XKR4: variants seen among roughly 807,000 people sequenced by gnomAD.
XKR4 encodes XK-related protein 4.
In XKR4, 12 loss-of-function variants were observed where a neutral mutation model predicts 53.9. That is an observed-to-expected ratio of 0.22 (90% CI 0.14 to 0.36). XKR4 has a LOEUF of 0.36. Ranked by LOEUF, XKR4 falls within the 10% of genes least tolerant of loss-of-function variation. The pLI is 1.00. For missense variants in XKR4, 799 were observed against 859.5 expected, an observed-to-expected ratio of 0.93 and a Z score of 0.88; for synonymous variants, 354 against 362.4, an observed-to-expected ratio of 0.98 and a Z score of 0.26.
chr8:55,147,850 G>T lies in XKR4; in HGVS notation c.806+44556G>T, dbSNP rs143640258. 1.7e-3 allele frequency among the ~76,000 whole-genome samples: 259 copies of T among 152,228 alleles called. 1 individual carries two copies. The highest frequency in any genetic ancestry group is 5.9e-3 in the African/African-American group (246 of 41,538). On this transcript the variant is annotated intron_variant, in intron 1 of 2. Coordinates refer to ENST00000327381, the MANE Select transcript of XKR4 (RefSeq NM_052898.2). Reference sequence around the variant, plus strand: ...GTGCCAAAAGAGAAAAATGTAACCAGATGAATGACATAAACCAAGAAAAAG... The same window carrying T: ...GTGCCAAAAGAGAAAAATGTAACCATATGAATGACATAAACCAAGAAAAAG...
intron 1 of XKR4, among the ~76,000 whole-genome samples, chr8:55,289,657 GGA>G (rs1563316481): frequency 8.4e-5 from 7 of 83,312 alleles, no homozygotes; most frequent in African/African-American, 2.9e-4. Flanking sequence ...AAGGAAGGAA[GGA>G]AAAGAAAAGA....
At chr8:55,480,146 T>A (rs1005601075) in intron 2 of XKR4, among the ~76,000 whole-genome samples, 2 of 152,018 alleles carry the variant, frequency 1.3e-5, no homozygotes, top group African/African-American at 4.8e-5. Flanking sequence ...GATGCAAAAA[T>A]CCTCAATAAA....
intron 1 of XKR4, among the ~76,000 whole-genome samples, chr8:55,145,059 C>T (rs1408645119): frequency 3.9e-5 from 6 of 151,950 alleles, no homozygotes; most frequent in East Asian, 1.9e-4. Context: ...CTCAAACCCC[C>T]GGCCTCCAGG....
intron 1 of XKR4, among the ~76,000 whole-genome samples, chr8:55,305,540 C>A (rs547712200): frequency 2.0e-5 from 3 of 152,096 alleles, no homozygotes; most frequent in African/African-American, 7.2e-5. Flanking sequence ...TTCATACGTG[C>A]CTTGAGTATG....
At position 55,103,025 on chromosome 8, in the gene XKR4, C is replaced by A. The variant is rs776243014; in HGVS notation, c.537C>A (p.Ala179=). 1.9e-6 allele frequency: 3 copies of A among 1,612,380 alleles called. No individual in the cohort carries two copies. The highest frequency in any genetic ancestry group is 2.5e-6 in the Non-Finnish European group (3 of 1,179,794). ...HDFSTEDSAT[A]AAASSCPQPG... is the part of the protein sequence containing the mutation. ...TCAGCACCGAGGACAGCGCCACGGC[C>A]GCTGCTGCCTCCAGCTGCCCGCAGC... The change falls in exon 1 of 3, where the codon GCC becomes GCA. Residue 179 remains alanine (A), a synonymous_variant. Coordinates refer to ENST00000327381, the MANE Select transcript of XKR4 (RefSeq NM_052898.2).
At chr8:55,103,849 T>TTGTA (rs1563456990) in intron 1 of XKR4, among the ~76,000 whole-genome samples, 1 of 61,070 alleles carries the variant, frequency 1.6e-5, no homozygotes, top group Non-Finnish European at 3.4e-5. Context: ...GCAAATGACT[T>TTGTA]TGTATATATA....
chr8:55,370,638 G>A (rs1022558438), intron 2 of XKR4, among the ~76,000 whole-genome samples: 1 of 152,166 alleles, frequency 6.6e-6, no homozygotes, highest in Non-Finnish European at 1.5e-5. Context: ...CCCTACATAG[G>A]AGAGTTGTGA....
intron 2 of XKR4, chr8:55,451,551 C>G: frequency 9.2e-7 from 1 of 1,084,544 alleles, no homozygotes; most frequent in East Asian, 2.6e-5. Flanking sequence ...CGTACAGGCC[C>G]CCAGAATGCA....
At chr8:55,468,788 G>A (rs920979832) in intron 2 of XKR4, among the ~76,000 whole-genome samples, 32 of 152,170 alleles carry the variant, frequency 2.1e-4, no homozygotes, top group African/African-American at 3.1e-4. Context: ...ACTCTGATTC[G>A]TCTTGATGTT....
intron 2 of XKR4, among the ~76,000 whole-genome samples, chr8:55,493,777 A>G (rs774270321): frequency 6.6e-6 from 1 of 152,226 alleles, no homozygotes; most frequent in Non-Finnish European, 1.5e-5. Flanking sequence ...CCTTTACCCA[A>G]TAGTGCTACC....
chr8:55,452,301 G>T (rs1423575622), intron 2 of XKR4: 57 of 647,416 alleles, frequency 8.8e-5, no homozygotes, highest in Non-Finnish European at 7.7e-5. Context: ...TTTCTCCTTG[G>T]TCAGCGCGGC....
intron 1 of XKR4, among the ~76,000 whole-genome samples, chr8:55,233,481 G>A (rs1043389902): frequency 3.9e-5 from 6 of 152,096 alleles, no homozygotes; most frequent in Admixed American, 2.6e-4. Flanking sequence ...CACCTGGAAG[G>A]GCATGGCCTC....
At chr8:55,105,170 G>A (rs1055752186) in intron 1 of XKR4, among the ~76,000 whole-genome samples, 3 of 152,096 alleles carry the variant, frequency 2.0e-5, no homozygotes, top group Non-Finnish European at 2.9e-5. Flanking sequence ...TTTAATTATA[G>A]TTGTGTTTAC....
intron 1 of XKR4, among the ~76,000 whole-genome samples, chr8:55,261,995 T>C (rs1461958988): frequency 1.3e-5 from 2 of 152,094 alleles, no homozygotes; most frequent in Non-Finnish European, 2.9e-5. Flanking sequence ...TGAGAGGTCA[T>C]GAGAGCATTA....
At chr8:55,292,539 T>G (rs906165631) in intron 1 of XKR4, among the ~76,000 whole-genome samples, 2 of 151,630 alleles carry the variant, frequency 1.3e-5, no homozygotes, top group Non-Finnish European at 3.0e-5. Context: ...TGTTCTCTCT[T>G]TTTTTACCCA....
chr8:55,151,290 A>G (rs148135476), intron 1 of XKR4, among the ~76,000 whole-genome samples: 19 of 152,336 alleles, frequency 1.2e-4, no homozygotes, highest in African/African-American at 4.1e-4. Flanking sequence ...GACCTTAACA[A>G]TTATCTGATC....
At chr8:55,481,729 G>A (rs966029676) in intron 2 of XKR4, among the ~76,000 whole-genome samples, 1 of 151,906 alleles carries the variant, frequency 6.6e-6, no homozygotes, top group African/African-American at 2.4e-5. Flanking sequence ...TCAAAAAGTG[G>A]GCAAAGGATA....
intron 2 of XKR4, among the ~76,000 whole-genome samples, chr8:55,405,214 A>C (rs1804665240): frequency 6.6e-6 from 1 of 152,174 alleles, no homozygotes; most frequent in Non-Finnish European, 1.5e-5. Flanking sequence ...GTATTGTCAC[A>C]GTTGAATTGG....
At chr8:55,132,649 T>C (rs1044233722) in intron 1 of XKR4, among the ~76,000 whole-genome samples, 2 of 152,124 alleles carry the variant, frequency 1.3e-5, no homozygotes, top group Admixed American at 6.5e-5. Flanking sequence ...ACCTCTGCAC[T>C]AGAATCCCGT....
Sources: gnomAD v4.1 joint callset for allele counts (sites outside exome capture counted in the v4.1 genomes callset) on GRCh38, gnomAD v4.1.1 for gene constraint, MANE v1.5 for transcripts, NCBI Gene and HGNC (gene_info 2026-07-23, HGNC 2026-07-21) for gene names.